The following ST18 variants were observed in gnomAD, a reference collection of about 807,000 sequenced individuals.
The protein encoded by ST18 is ST18 C2H2C-type zinc finger transcription factor.
A neutral mutation model predicts 110.0 loss-of-function variants in ST18; 50 were observed. The observed-to-expected ratio is 0.45, with a 90% CI of 0.36 to 0.58. ST18 has a LOEUF of 0.58. Among genes scored for constraint, ST18 ranks in the 20% least tolerant of loss-of-function variants. The pLI, the probability that ST18 is intolerant of heterozygous loss-of-function variation, is 0.00. For missense variants in ST18, 1,306 were observed against 1,280.1 expected (o/e 1.02, Z -0.31); for synonymous variants, 461 against 452.4 (o/e 1.02, Z -0.24).
intron 8 of ST18, among the ~76,000 whole-genome samples, chr8:52,191,775 A>C (rs1364070813): frequency 1.3e-5 from 2 of 152,084 alleles, no homozygotes; most frequent in African/African-American, 4.8e-5. Flanking sequence ...TGGAGAGAAA[A>C]GTGCCTGAGG....
chr8:52,138,674 A>G (rs1003659488), intron 17 of ST18, among the ~76,000 whole-genome samples: 3 of 152,180 alleles, frequency 2.0e-5, no homozygotes, highest in Non-Finnish European at 2.9e-5. Context: ...TCAGTCATTT[A>G]GTTTCCTCTG....
chr8:52,166,675 A>T (rs1018700152), intron 11 of ST18, among the ~76,000 whole-genome samples, 177 bp downstream of exon 11: 43 of 152,198 alleles, frequency 2.8e-4, no homozygotes, highest in African/African-American at 9.7e-4. Flanking sequence ...GCTTTCTTGC[A>T]CCTTGAATTT....
chr8:52,282,898 G>A (rs1241116540), intron 2 of ST18, among the ~76,000 whole-genome samples: 2 of 152,108 alleles, frequency 1.3e-5, no homozygotes, highest in East Asian at 3.9e-4. Context: ...CCAAGAGAAC[G>A]GAAGGGTTTG....
intron 2 of ST18, among the ~76,000 whole-genome samples, chr8:52,276,980 T>C (rs76607722): frequency 6.6e-6 from 1 of 152,158 alleles, no homozygotes; most frequent in Admixed American, 6.5e-5. Context: ...TTGGCCAGGC[T>C]GGTCACGAAC....
At position 52,338,300 on chromosome 8, in the gene ST18, C is replaced by T. The variant is rs550596230; in HGVS notation, c.-465+71028G>A. On this transcript the variant is annotated intron_variant, in intron 2 of 25. Transcript: ENST00000689386. ...CTCAAACTCCTGACCTCAGATGATC[C>T]GCCCACCTCGGCCTCCCAAAGTACT... is the stretch of plus-strand genomic sequence containing the variant. Among the ~76,000 whole-genome samples, 13 of 151,110 alleles carry T rather than the reference C, an allele frequency of 8.6e-5. No individual in the cohort carries two copies. The South Asian group carries it at 1.5e-3, about 17-fold the overall frequency.
intron 2 of ST18, among the ~76,000 whole-genome samples, chr8:52,317,766 T>C (rs1156896831): frequency 6.6e-6 from 1 of 152,244 alleles, no homozygotes; most frequent in African/African-American, 2.4e-5. Context: ...TTTCATGATA[T>C]TCTACAAAGC....
In ST18 at chr8:52,111,563, T is replaced by A. The variant is rs976436177; in HGVS notation, c.*1635A>T. 6 of 152,654 alleles carry A rather than the reference T, an allele frequency of 3.9e-5. No homozygotes were observed. The highest frequency in any genetic ancestry group is 1.4e-4 in the African/African-American group (6 of 41,446). The allele number at this position is 152,654 out of a possible 1,614,324, so 9.5% of individuals were successfully genotyped here. A position where few individuals can be genotyped will look rare whatever the true frequency, so the allele number is the denominator to read the frequency against. Reference sequence around the variant, plus strand: ...ATGGGAGTGGAATTACTGTTGAGTATTGTTTTTCATTTGTGCAGGTAACAG... The same window carrying A: ...ATGGGAGTGGAATTACTGTTGAGTAATGTTTTTCATTTGTGCAGGTAACAG... On this transcript the variant is annotated 3_prime_UTR_variant, in exon 26 of 26. Coordinates refer to ENST00000689386, the MANE Select transcript of ST18 (RefSeq NM_001352837.2).
At chr8:52,114,869 C>T (rs2041980430) in intron 25 of ST18, among the ~76,000 whole-genome samples, 1 of 152,210 alleles carries the variant, frequency 6.6e-6, no homozygotes, top group Non-Finnish European at 1.5e-5. Context: ...CTAAAAATCA[C>T]CACTAGAGTG....
At position 52,192,551 on chromosome 8, in the gene ST18, A is replaced by C. The variant is rs541809052; in HGVS notation, c.87-12239T>G. ...AGCAGGAAAATGGCCTCATGGAGGCATAGCTGAGAGGCTAGCTTGGACGTG... is the reference window on the plus strand; with the variant it reads ...AGCAGGAAAATGGCCTCATGGAGGCCTAGCTGAGAGGCTAGCTTGGACGTG... On this transcript the variant is annotated intron_variant, in intron 8 of 25. Coordinates refer to ENST00000689386, the MANE Select transcript of ST18 (RefSeq NM_001352837.2). Among the ~76,000 whole-genome samples the C allele has an allele frequency of 2.7e-4, 41 of 152,354 alleles. 1 individual carries two copies. The South Asian group carries it at 8.5e-3, about 32-fold the overall frequency.
At chr8:52,347,679 C>T (rs1347568453) in intron 2 of ST18, among the ~76,000 whole-genome samples, 1 of 152,144 alleles carries the variant, frequency 6.6e-6, no homozygotes, top group African/African-American at 2.4e-5. Context: ...ATCCCAGGCA[C>T]TATTCTAGGA....
At chr8:52,244,863 A>G (rs368873742) in intron 2 of ST18, among the ~76,000 whole-genome samples, 2 of 152,360 alleles carry the variant, frequency 1.3e-5, no homozygotes, top group East Asian at 1.9e-4. Flanking sequence ...GGATTTAGTA[A>G]GCAGATGCAA....
At chr8:52,119,110 G>C (rs1213034246) in intron 23 of ST18, among the ~76,000 whole-genome samples, 1 of 152,152 alleles carries the variant, frequency 6.6e-6, no homozygotes, top group Non-Finnish European at 1.5e-5. Context: ...TTTGACTCCT[G>C]TTCTGCAACT....
chr8:52,114,534 T>A (rs1166257891), intron 25 of ST18, among the ~76,000 whole-genome samples: 1 of 151,926 alleles, frequency 6.6e-6, no homozygotes, highest in Non-Finnish European at 1.5e-5. Flanking sequence ...GAAATAAGCT[T>A]TCTAAATTTG....
chr8:52,193,885 C>T (rs2075358882), intron 8 of ST18, among the ~76,000 whole-genome samples: 1 of 152,200 alleles, frequency 6.6e-6, no homozygotes, highest in African/African-American at 2.4e-5. Context: ...GTGTGTCCAA[C>T]AGTTAAACCT....
At chr8:52,329,810 G>A (rs1808325166) in intron 2 of ST18, among the ~76,000 whole-genome samples, 1 of 152,048 alleles carries the variant, frequency 6.6e-6, no homozygotes, top group Non-Finnish European at 1.5e-5. Flanking sequence ...AGGGAAGGTT[G>A]AACCCAAACC....
intron 2 of ST18, among the ~76,000 whole-genome samples, chr8:52,403,020 G>A (rs1264147879): frequency 6.6e-6 from 1 of 152,182 alleles, no homozygotes; most frequent in African/African-American, 2.4e-5. Flanking sequence ...AACTTCCTGG[G>A]GGTGGGACAT....
At chr8:52,182,122 G>A (rs764804532) in intron 8 of ST18, among the ~76,000 whole-genome samples, 1 of 152,144 alleles carries the variant, frequency 6.6e-6, no homozygotes, top group African/African-American at 2.4e-5. Context: ...AGGCTCCTAC[G>A]TCATTCAGAT....
chr8:52,261,863 T>C (rs1445966351), intron 2 of ST18, among the ~76,000 whole-genome samples: 1 of 152,200 alleles, frequency 6.6e-6, no homozygotes, highest in East Asian at 1.9e-4. Flanking sequence ...TTCAGTATTA[T>C]TTTTCTAAAA....
At chr8:52,251,480 A>G (rs1338214912) in intron 2 of ST18, among the ~76,000 whole-genome samples, 1 of 152,124 alleles carries the variant, frequency 6.6e-6, no homozygotes, top group East Asian at 1.9e-4. Flanking sequence ...TCAGATTAAA[A>G]ACTGAGATTT....
Sources: gnomAD v4.1 joint callset for allele counts (sites outside exome capture counted in the v4.1 genomes callset) on GRCh38, gnomAD v4.1.1 for gene constraint, MANE v1.5 for transcripts, NCBI Gene and HGNC (gene_info 2026-07-23, HGNC 2026-07-21) for gene names.